The following RPSA2 variants were observed in gnomAD, a reference collection of about 807,000 sequenced individuals.
The protein encoded by RPSA2 is small ribosomal subunit protein uS2B.
chr19:23,834,093 A>T, the RPSA2 span, among the ~76,000 whole-genome samples: 1 of 152,086 alleles, frequency 6.6e-6, no homozygotes, highest in East Asian at 1.9e-4. Context: ...CCACAGTAGA[A>T]ATATCTAGGG....
the RPSA2 span, among the ~76,000 whole-genome samples, chr19:23,784,350 C>G: frequency 6.6e-6 from 1 of 152,244 alleles, no homozygotes; most frequent in Non-Finnish European, 1.5e-5. Flanking sequence ...ATGGGCAGAG[C>G]CCACTGGGTG....
the RPSA2 span, among the ~76,000 whole-genome samples, chr19:23,789,267 C>T: frequency 6.6e-6 from 1 of 152,116 alleles, no homozygotes; most frequent in African/African-American, 2.4e-5. Context: ...TCCCAAAGGG[C>T]TGAGATAACT....
At chr19:23,762,450 C>A in the RPSA2 span, among the ~76,000 whole-genome samples, 8 of 151,326 alleles carry the variant, frequency 5.3e-5, no homozygotes, top group Non-Finnish European at 5.9e-5. Flanking sequence ...CTGAGGCGGG[C>A]GGAACACCTG....
the RPSA2 span, among the ~76,000 whole-genome samples, chr19:23,841,414 A>C: frequency 6.6e-6 from 1 of 152,262 alleles, no homozygotes; most frequent in African/African-American, 2.4e-5. Context: ...CAGTGAGCCA[A>C]GATCACGCCA....
the RPSA2 span, among the ~76,000 whole-genome samples, chr19:23,810,474 A>G: frequency 1.4e-5 from 2 of 145,052 alleles, no homozygotes; most frequent in Non-Finnish European, 3.0e-5. Flanking sequence ...TTTTGGACAG[A>G]GTGAATATCT....
chr19:23,799,862 T>A, the RPSA2 span, among the ~76,000 whole-genome samples: 1 of 152,216 alleles, frequency 6.6e-6, no homozygotes, highest in Non-Finnish European at 1.5e-5. Context: ...CTCCCCAATG[T>A]CCAGGTGAAT....
the RPSA2 span, among the ~76,000 whole-genome samples, chr19:23,820,602 A>G: frequency 6.6e-5 from 10 of 152,140 alleles, no homozygotes; most frequent in Non-Finnish European, 1.5e-4. Flanking sequence ...TTTATAGTGC[A>G]TAACAGCTAC....
chr19:23,787,535 G>T, the RPSA2 span, among the ~76,000 whole-genome samples: 2 of 152,120 alleles, frequency 1.3e-5, no homozygotes, highest in African/African-American at 4.8e-5. Flanking sequence ...GTTGAATTCG[G>T]GAGGTGGAGG....
the RPSA2 span, among the ~76,000 whole-genome samples, chr19:23,801,326 TCCTC>T: frequency 3.3e-4 from 2 of 6,122 alleles, no homozygotes; most frequent in Non-Finnish European, 0.01. Context: ...TGCAACCTCT[TCCTC>T]CCAGGTCAAG....
At chr19:23,867,109 C>T in the RPSA2 span, among the ~76,000 whole-genome samples, 1 of 152,082 alleles carries the variant, frequency 6.6e-6, no homozygotes, top group Non-Finnish European at 1.5e-5. Flanking sequence ...CTATCTATTC[C>T]AACCCTTAGC....
the RPSA2 span, among the ~76,000 whole-genome samples, chr19:23,835,524 A>G: frequency 6.6e-6 from 1 of 152,290 alleles, no homozygotes; most frequent in East Asian, 1.9e-4. Context: ...CTTTTGGCTC[A>G]GGGTTCAGAA....
At chr19:23,827,264 G>A in the RPSA2 span, 2 of 763,334 alleles carry the variant, frequency 2.6e-6, no homozygotes, top group South Asian at 2.9e-5. Flanking sequence ...CTTCCAGATG[G>A]AACACTACAT....
the RPSA2 span, among the ~76,000 whole-genome samples, chr19:23,763,700 C>G: frequency 6.6e-6 from 1 of 152,160 alleles, no homozygotes; most frequent in African/African-American, 2.4e-5. Context: ...CTCCTGGCCT[C>G]AAGTGATCCG....
chr19:23,827,528 G>GTGGT, the RPSA2 span: 14 of 1,596,918 alleles, frequency 8.8e-6, no homozygotes, highest in Non-Finnish European at 5.1e-6. Flanking sequence ...ACGGCTTCTT[G>GTGGT]TGGTTACTGA....
chr19:23,824,678 C>T, the RPSA2 span, among the ~76,000 whole-genome samples: 2 of 133,260 alleles, frequency 1.5e-5, no homozygotes, highest in East Asian at 4.9e-4. Flanking sequence ...AGATTACAGG[C>T]ATGAGCCATG....
chr19:23,836,111 C>T, the RPSA2 span, among the ~76,000 whole-genome samples: 2 of 152,106 alleles, frequency 1.3e-5, no homozygotes, highest in African/African-American at 4.8e-5. Flanking sequence ...AAGCAGTATA[C>T]ACTGCATCAT....
the RPSA2 span, among the ~76,000 whole-genome samples, chr19:23,813,172 T>C: frequency 2.5e-3 from 359 of 143,984 alleles, 2 homozygotes; most frequent in African/African-American, 8.6e-3. Context: ...ACTGTGAGGC[T>C]GCAGTGAGCC....
chr19:23,793,336 CAT>C, the RPSA2 span, among the ~76,000 whole-genome samples: 1 of 142,046 alleles, frequency 7.0e-6, no homozygotes, highest in Non-Finnish European at 1.5e-5. Context: ...TGGTTCAATA[CAT>C]TTATTTCACT....
chr19:23,758,852 A>G, the RPSA2 span: 19 of 1,512,254 alleles, frequency 1.3e-5, no homozygotes, highest in Admixed American at 3.8e-5. Context: ...GACACAGAGC[A>G]GTGAAGACGA....
Sources: gnomAD v4.1 joint callset for allele counts (sites outside exome capture counted in the v4.1 genomes callset) on GRCh38, gnomAD v4.1.1 for gene constraint, MANE v1.5 for transcripts, NCBI Gene and HGNC (gene_info 2026-07-23, HGNC 2026-07-21) for gene names.